The following BCL2L11 variants were observed in gnomAD, a reference collection of about 807,000 sequenced individuals.
BCL2L11 encodes BCL2 like 11.
Under a neutral mutation model 20.6 loss-of-function variants are expected in BCL2L11, and 15 were observed. The observed-to-expected ratio is 0.73, with a 90% confidence interval of 0.49 to 1.12. The LOEUF (loss-of-function observed/expected upper bound fraction) is 1.12. Ranked by LOEUF, BCL2L11 falls within the 50% of genes most tolerant of loss-of-function variation. The pLI is 0.00. For missense variants in BCL2L11, 292 were observed against 260.9 expected (o/e 1.12, Z -0.82); for synonymous variants, 108 against 92.8 (o/e 1.16, Z -0.94).
intron 2 of BCL2L11, among the ~76,000 whole-genome samples, chr2:111,143,779 T>A (rs1003611149): frequency 6.6e-6 from 1 of 152,194 alleles, no homozygotes; most frequent in African/African-American, 2.4e-5. Flanking sequence ...CAGCTGCTAG[T>A]AAATATGTTA....
chr2:111,145,502 TA>T (rs947603097), intron 2 of BCL2L11, among the ~76,000 whole-genome samples: 291 of 150,016 alleles, frequency 1.9e-3, no homozygotes, highest in Middle Eastern at 3.4e-3. Context: ...TCTCTTTTTT[TA>T]AAAAAAAAAG....
At chr2:111,149,323 C>T (rs915150784) in intron 2 of BCL2L11, among the ~76,000 whole-genome samples, 5 of 152,150 alleles carry the variant, frequency 3.3e-5, no homozygotes, top group African/African-American at 1.2e-4. Flanking sequence ...AATGAAAGGG[C>T]AGTCCTCCCT....
At chr2:111,130,151 C>G (rs1034198586) in intron 2 of BCL2L11, 1 of 372,422 alleles carries the variant, frequency 2.7e-6, no homozygotes, top group Non-Finnish European at 5.2e-6. Context: ...GTCACCCAGG[C>G]TGGAGTGCAC....
intron 3 of BCL2L11, among the ~76,000 whole-genome samples, chr2:111,154,835 T>C (rs2077643918): frequency 6.6e-6 from 1 of 152,246 alleles, no homozygotes; most frequent in African/African-American, 2.4e-5. Context: ...ATTCCTGTTT[T>C]ATTCAATGGG....
intron 2 of BCL2L11, among the ~76,000 whole-genome samples, chr2:111,145,068 T>G (rs1485009331): frequency 6.6e-6 from 1 of 152,216 alleles, no homozygotes; most frequent in African/African-American, 2.4e-5. Flanking sequence ...CTAATCTTGA[T>G]TCTACTCGAG....
chr2:111,144,095 A>G (rs1386764391), intron 2 of BCL2L11, among the ~76,000 whole-genome samples: 2 of 152,224 alleles, frequency 1.3e-5, no homozygotes, highest in African/African-American at 4.8e-5. Context: ...AAGAGTAAGT[A>G]TGAAAACACT....
In BCL2L11 at chr2:111,168,155, T is replaced by C. The variant is rs932479571; in HGVS notation, c.*3924T>C. 3.3e-5 allele frequency: 4 copies of C among 122,180 alleles called. No individual in the cohort carries two copies. Among genetic ancestry groups the C allele is most frequent in the African/African-American group, 1.5e-4 (4 of 26,064 alleles). The allele number at this position is 122,180 out of a possible 1,614,324, so 7.6% of individuals were successfully genotyped here. On this transcript the variant is annotated 3_prime_UTR_variant, in exon 4 of 4. Coordinates refer to ENST00000393256, the MANE Select transcript of BCL2L11 (RefSeq NM_138621.5). ...GGAATTTCAGACTATAGAAGCTCTC[T>C]TATGTTTTATGTCCAGATTCTGTGA...
chr2:111,126,899 G>A (rs1342997512), intron 2 of BCL2L11, among the ~76,000 whole-genome samples: 3 of 152,174 alleles, frequency 2.0e-5, no homozygotes. Context: ...ACTTGGGGTA[G>A]AGATCAGTGT....
intron 2 of BCL2L11, among the ~76,000 whole-genome samples, chr2:111,134,246 C>G (rs2074456409): frequency 6.6e-6 from 1 of 151,356 alleles, no homozygotes; most frequent in Admixed American, 6.6e-5. Context: ...GTTTTTTAAC[C>G]TTACTGTGGG....
intron 2 of BCL2L11, among the ~76,000 whole-genome samples, chr2:111,146,650 A>G (rs910295989): frequency 1.3e-5 from 2 of 152,176 alleles, no homozygotes; most frequent in East Asian, 1.9e-4. Context: ...GACCCCATTC[A>G]TTTGTTCTGG....
intron 3 of BCL2L11, among the ~76,000 whole-genome samples, chr2:111,151,603 G>A (rs1214295032): frequency 6.6e-6 from 1 of 152,032 alleles, no homozygotes; most frequent in East Asian, 1.9e-4. Flanking sequence ...TTTATACAAT[G>A]TGTTTTAGGC....
At chr2:111,153,521 T>C (rs2077484273) in intron 3 of BCL2L11, among the ~76,000 whole-genome samples, 1 of 152,162 alleles carries the variant, frequency 6.6e-6, no homozygotes, top group South Asian at 2.1e-4. Flanking sequence ...TGTTAAATAT[T>C]GGGGGCAGAA....
intron 3 of BCL2L11, among the ~76,000 whole-genome samples, chr2:111,154,353 G>GAAAA (rs556911619): frequency 0.019 from 2,003 of 104,434 alleles, 45 homozygotes; most frequent in African/African-American, 0.061. Context: ...GCCCTTCTCA[G>GAAAA]AAAAAAAAAA....
chr2:111,150,112 A>G lies in BCL2L11; in HGVS notation c.463A>G (p.Ile155Val). ...EIWIAQELRR[I>V]GDEFNAYYAR... ...ATGGATCGCCCAAGAGTTGCGGCGT[A>G]TTGGAGACGAGTTTAACGCTTACTA... Residue 155 changes from isoleucine (I) to valine (V), a missense_variant, in exon 3 of 4, where the codon ATT (isoleucine) becomes GTT (valine). By Grantham distance (29) the Ile-to-Val change is conservative (BLOSUM62 3). Transcript: ENST00000393256. 1 of 1,614,058 alleles carries G rather than the reference A, an allele frequency of 6.2e-7. No individual in the cohort carries two copies. The highest frequency in any genetic ancestry group is 8.5e-7 in the Non-Finnish European group (1 of 1,179,936).
Position 111,122,581 on chromosome 2 carries a change from G to T in BCL2L11, c.-13-1152G>T, listed in dbSNP as rs1018913796. On this transcript the variant is annotated intron_variant, in intron 1 of 3. Coordinates refer to ENST00000393256, the MANE Select transcript of BCL2L11 (RefSeq NM_138621.5). Reference sequence around the variant, plus strand: ...TTGGGAACGCGGGCACCCGGCGCCAGCGGCGCGGGGAGGTCGGCGGTGCCG... The same window carrying T: ...TTGGGAACGCGGGCACCCGGCGCCATCGGCGCGGGGAGGTCGGCGGTGCCG... 8.1e-6 allele frequency: 8 copies of T among 981,764 alleles called. No homozygotes were observed. In the African/African-American group the frequency reaches 1.2e-4, roughly 15 times the overall value. 60.8% of individuals were successfully genotyped at this position (981,764 alleles called of 1,614,324 possible). A position where few individuals can be genotyped will look rare whatever the true frequency, so the allele number is the denominator to read the frequency against.
chr2:111,135,015 G>C (rs1027944845), intron 2 of BCL2L11, among the ~76,000 whole-genome samples: 1 of 152,192 alleles, frequency 6.6e-6, no homozygotes, highest in East Asian at 1.9e-4. Context: ...GGTGCACTCA[G>C]CATCTTGAAT....
chr2:111,124,273 G>GTGTCAAAC, intron 2 of BCL2L11, 134 bp downstream of exon 2: 1 of 1,078,940 alleles, frequency 9.3e-7, no homozygotes, highest in Non-Finnish European at 1.3e-6. Flanking sequence ...AATGGAGGAT[G>GTGTCAAAC]TGTCAAACTA....
chr2:111,132,580 TA>T (rs770090977), intron 2 of BCL2L11, among the ~76,000 whole-genome samples: 1 of 152,230 alleles, frequency 6.6e-6, no homozygotes, highest in Non-Finnish European at 1.5e-5. Context: ...GCAACAAGAA[TA>T]GTGATTGGCC....
chr2:111,155,984 T>C (rs1485475097), intron 3 of BCL2L11, among the ~76,000 whole-genome samples: 1 of 152,250 alleles, frequency 6.6e-6, no homozygotes, highest in African/African-American at 2.4e-5. Flanking sequence ...AGCATTTTCC[T>C]GTGCTCTGTA....
Sources: gnomAD v4.1 joint callset for allele counts (sites outside exome capture counted in the v4.1 genomes callset) on GRCh38, gnomAD v4.1.1 for gene constraint, MANE v1.5 for transcripts, NCBI Gene and HGNC (gene_info 2026-07-23, HGNC 2026-07-21) for gene names.